The following UBA6 variants were observed in gnomAD, a reference collection of about 807,000 sequenced individuals.
UBA6 encodes ubiquitin-like modifier-activating enzyme 6.
A neutral mutation model predicts 148.3 loss-of-function variants in UBA6; 87 were observed. That is an observed-to-expected ratio of 0.59 (90% CI 0.49 to 0.70). UBA6 has a LOEUF of 0.70. Among genes scored for constraint, UBA6 ranks in the 30% least tolerant of loss-of-function variants. The pLI is 0.00. For synonymous variants in UBA6, 376 were observed against 401.0 expected (o/e 0.94, Z 0.75); for missense variants, 1,186 against 1,241.2 (o/e 0.96, Z 0.67).
intron 1 of UBA6, among the ~76,000 whole-genome samples, chr4:67,697,287 G>A (rs921470898): frequency 2.4e-4 from 37 of 152,216 alleles, no homozygotes; most frequent in African/African-American, 8.4e-4. Flanking sequence ...TTACAGGCGT[G>A]GGCCACTGTG....
At chr4:67,679,356 T>C (rs1730373620) in intron 4 of UBA6, among the ~76,000 whole-genome samples, 1 of 152,126 alleles carries the variant, frequency 6.6e-6, no homozygotes, top group Non-Finnish European at 1.5e-5. Flanking sequence ...ATACTTTGTT[T>C]AAAAAATCTG....
In UBA6 at chr4:67,619,013, C is replaced by G. The variant is rs746472766; in HGVS notation, c.3143G>C (p.Ser1048Thr). The change falls in exon 33 of 33, where the codon AGT becomes ACT. Residue 1048 changes from serine (S) to threonine (T), a missense_variant. Transcript: ENST00000322244. ...CAACTTGTATTAATCAGTGTCATGA[C>G]TGAAGTAGTATCTTACTGGAGGTCC... Reference protein sequence around the residue: ...LPGPPVRYYFSHDTD With the variant: ...LPGPPVRYYFTHDTD 6.2e-7 allele frequency: 1 copy of G among 1,613,936 alleles called. No individual in the cohort carries two copies. The highest frequency in any genetic ancestry group is 8.5e-7 in the Non-Finnish European group (1 of 1,179,930).
At chr4:67,640,821 G>A (rs1157763688) in intron 18 of UBA6, among the ~76,000 whole-genome samples, 1 of 152,098 alleles carries the variant, frequency 6.6e-6, no homozygotes, top group Non-Finnish European at 1.5e-5. Context: ...AAAAGACACT[G>A]CCAAATTTGC....
At chr4:67,656,726 A>G (rs1729706375) in intron 13 of UBA6, among the ~76,000 whole-genome samples, 1 of 152,242 alleles carries the variant, frequency 6.6e-6, no homozygotes. Flanking sequence ...AATTAGGAAA[A>G]GAGGAAGTCA....
At chr4:67,671,750 A>G (rs1730154632) in intron 7 of UBA6, among the ~76,000 whole-genome samples, 1 of 152,174 alleles carries the variant, frequency 6.6e-6, no homozygotes, top group African/African-American at 2.4e-5. Flanking sequence ...TCAAAGAAAC[A>G]AGTAGCTTTT....
chr4:67,666,492 G>A (rs962680652), intron 9 of UBA6, among the ~76,000 whole-genome samples: 1 of 151,896 alleles, frequency 6.6e-6, no homozygotes, highest in African/African-American at 2.4e-5. Flanking sequence ...GAAGTCTGAA[G>A]TAGGATTCAT....
At chr4:67,679,238 C>T (rs889673391) in intron 4 of UBA6, among the ~76,000 whole-genome samples, 1 of 151,990 alleles carries the variant, frequency 6.6e-6, no homozygotes, top group African/African-American at 2.4e-5. Context: ...TGTGTGTATG[C>T]ATTTACCTAT....
At chr4:67,663,432 A>G in intron 11 of UBA6, 1 of 416,656 alleles carries the variant, frequency 2.4e-6, no homozygotes, top group Non-Finnish European at 4.3e-6. Context: ...CCCTTTCCTT[A>G]TTAAAATTTA....
rs1221800254 is a variant in UBA6 at position 67,663,207 on chromosome 4, T to C, written c.969A>G (p.Leu323=). ...AGGCAAGCATAGCTGTGTGAATCTC[T>C]AAAGGTGCCTATTGAGAACATTAAA... ...IVDFSNPEAP[L]EIHTAMLALD... is the part of the protein sequence containing the mutation. Residue 323 remains leucine, a synonymous_variant, in exon 12 of 33, where the codon TTA becomes TTG. Transcript: ENST00000322244. 1 of 1,609,482 alleles carries C rather than the reference T, an allele frequency of 6.2e-7. No homozygotes were observed. The highest frequency in any genetic ancestry group is 1.3e-5 in the African/African-American group (1 of 74,898).
chr4:67,644,668 A>G (rs2109915708), intron 17 of UBA6, 30 bp downstream of exon 17: 4 of 1,275,268 alleles, frequency 3.1e-6, no homozygotes, highest in Non-Finnish European at 4.6e-6. Flanking sequence ...AGAAATATAA[A>G]CTTTTAACTC....
intron 27 of UBA6, among the ~76,000 whole-genome samples, chr4:67,627,553 C>T (rs903408827): frequency 1.3e-4 from 20 of 151,874 alleles, no homozygotes; most frequent in African/African-American, 4.1e-4. Flanking sequence ...TCTAGTTTTG[C>T]CCTTGGAAAC....
At position 67,617,665 on chromosome 4, in the gene UBA6, A is replaced by G. The variant is rs1341587679; in HGVS notation, c.*1332T>C. ...GAAAGTAGGTATAATACATAGTGTA[A>G]AAGATACCAAATTGGAGTAATATTG... On this transcript the variant is annotated 3_prime_UTR_variant, in exon 33 of 33. Transcript: ENST00000322244. 6.6e-6 allele frequency: 1 copy of G among 152,130 alleles called. No individual in the cohort carries two copies. The highest frequency in any genetic ancestry group is 2.4e-5 in the African/African-American group (1 of 41,440). 9.4% of individuals were successfully genotyped at this position (152,130 alleles called of 1,614,324 possible). A position where few individuals can be genotyped will look rare whatever the true frequency, so the allele number is the denominator to read the frequency against.
intron 2 of UBA6, among the ~76,000 whole-genome samples, chr4:67,692,467 G>A (rs1309943508): frequency 6.6e-6 from 1 of 152,116 alleles, no homozygotes; most frequent in Non-Finnish European, 1.5e-5. Context: ...TACATATAAA[G>A]CTGCTAACCC....
intron 9 of UBA6, among the ~76,000 whole-genome samples, chr4:67,666,833 TC>T (rs1362823591): frequency 6.6e-6 from 1 of 152,050 alleles, no homozygotes; most frequent in Admixed American, 6.6e-5. Context: ...CATGATCATG[TC>T]GCTGCACTTC....
At chr4:67,669,961 A>G (rs1730102349) in intron 8 of UBA6, among the ~76,000 whole-genome samples, 1 of 152,048 alleles carries the variant, frequency 6.6e-6, no homozygotes, top group South Asian at 2.1e-4. Context: ...TTCTTTCTTT[A>G]TTTTTGAGAT....
At chr4:67,620,836 A>C (rs1728734981) in intron 32 of UBA6, among the ~76,000 whole-genome samples, 1 of 152,186 alleles carries the variant, frequency 6.6e-6, no homozygotes, top group Non-Finnish European at 1.5e-5. Context: ...TTTGAAACTA[A>C]GTTTCAAAAG....
chr4:67,665,268 ATAC>A lies in UBA6; in HGVS notation c.815_817del (p.Ser272del). Reference sequence around the variant, plus strand: ...TGGTTCCAGTTCTGTGGTGTCACCAATACTAAAAGAAAATGGCGATATCACTAG... The same window carrying A: ...TGGTTCCAGTTCTGTGGTGTCACCAATAAAAGAAAATGGCGATATCACTAG... On this transcript the variant is annotated inframe_deletion, in exon 10 of 33. Transcript: ENST00000322244. 1 of 1,602,176 alleles carries A rather than the reference ATAC, an allele frequency of 6.2e-7. No homozygotes were observed. The highest frequency in any genetic ancestry group is 8.5e-7 in the Non-Finnish European group (1 of 1,176,692).
intron 13 of UBA6, among the ~76,000 whole-genome samples, chr4:67,651,163 C>A (rs1477518430): frequency 1.3e-5 from 2 of 152,070 alleles, no homozygotes; most frequent in Non-Finnish European, 2.9e-5. Context: ...TCCACACCCC[C>A]ACAACTAACC....
intron 9 of UBA6, among the ~76,000 whole-genome samples, chr4:67,666,534 T>C (rs1446269262): frequency 6.6e-6 from 1 of 152,116 alleles, no homozygotes; most frequent in African/African-American, 2.4e-5. Flanking sequence ...TACACACATA[T>C]ATATATCTAG....
Sources: gnomAD v4.1 joint callset for allele counts (sites outside exome capture counted in the v4.1 genomes callset) on GRCh38, gnomAD v4.1.1 for gene constraint, MANE v1.5 for transcripts, NCBI Gene and HGNC (gene_info 2026-07-23, HGNC 2026-07-21) for gene names.